Variants in USP25 observed in about 807,000 individuals in gnomAD.
USP25 encodes the protein ubiquitin specific peptidase 25, also known as ubiquitin carboxyl-terminal hydrolase 25.
A neutral mutation model predicts 158.5 loss-of-function variants in USP25; 85 were observed. The observed-to-expected ratio is 0.54, with a 90% CI of 0.45 to 0.64. USP25 has a LOEUF of 0.64. USP25 is among the 30% of genes least tolerant of loss of function. The pLI, the probability that USP25 is intolerant of heterozygous loss-of-function variation, is 0.00. For missense variants in USP25, 1,242 were observed against 1,327.3 expected, an observed-to-expected ratio of 0.94 and a Z score of 1.00; for synonymous variants, 464 against 460.4, an observed-to-expected ratio of 1.01 and a Z score of -0.10.
intron 17 of USP25, among the ~76,000 whole-genome samples, chr21:15,836,084 G>A (rs947676681): frequency 5.3e-5 from 8 of 151,996 alleles, no homozygotes; most frequent in Non-Finnish European, 8.8e-5. Flanking sequence ...GGATCTCAAA[G>A]CAAATCTGTA....
At chr21:15,806,983 G>A (rs577758042) in intron 7 of USP25, among the ~76,000 whole-genome samples, 1 of 152,072 alleles carries the variant, frequency 6.6e-6, no homozygotes, top group African/African-American at 2.4e-5. Context: ...GAGTACAGTG[G>A]TATGACAATG....
intron 1 of USP25, among the ~76,000 whole-genome samples, chr21:15,749,852 T>C (rs888534139): frequency 6.6e-5 from 10 of 152,050 alleles, no homozygotes; most frequent in African/African-American, 2.4e-4. Context: ...TAGTGCCTTC[T>C]GTTATCTACA....
At chr21:15,862,176 AT>A (rs2039455768) in intron 20 of USP25, among the ~76,000 whole-genome samples, 1 of 152,140 alleles carries the variant, frequency 6.6e-6, no homozygotes, top group Non-Finnish European at 1.5e-5. Flanking sequence ...GTACTAAAGT[AT>A]GATATACGAA....
At chr21:15,736,940 A>C (rs1451988555) in intron 1 of USP25, among the ~76,000 whole-genome samples, 3 of 146,170 alleles carry the variant, frequency 2.1e-5, no homozygotes, top group Non-Finnish European at 4.5e-5. Flanking sequence ...AGATAAGTTA[A>C]CTCTCTGTGT....
chr21:15,770,568 C>T (rs1177083124), intron 3 of USP25, among the ~76,000 whole-genome samples: 1 of 152,060 alleles, frequency 6.6e-6, no homozygotes, highest in Non-Finnish European at 1.5e-5. Context: ...ACTCATTTTC[C>T]TTGCTTACCA....
At chr21:15,828,262 T>C (rs1419413332) in intron 14 of USP25, among the ~76,000 whole-genome samples, 1 of 152,192 alleles carries the variant, frequency 6.6e-6, no homozygotes, top group African/African-American at 2.4e-5. Flanking sequence ...TTTGAACTCA[T>C]TAACAAACAT....
At position 15,799,875 on chromosome 21, in the gene USP25, A is replaced by G. The variant is rs2036045183; in HGVS notation, c.642+32A>G. 5.5e-6 allele frequency: 8 copies of G among 1,456,870 alleles called. No individual in the cohort carries two copies. The Admixed American group carries it at 9.6e-5, about 17-fold the overall frequency. 90.2% of individuals were successfully genotyped at this position (1,456,870 alleles called of 1,614,324 possible). A position where few individuals can be genotyped will look rare whatever the true frequency, so the allele number is the denominator to read the frequency against. On this transcript the variant is annotated intron_variant, in intron 6 of 25. Transcript: ENST00000400183. ...TTCAAAAGATTTTTTTAAGCAGTAT[A>G]TATACTCTATATGTTCTCTTATATG...
chr21:15,802,579 G>A (rs74774121), intron 6 of USP25, among the ~76,000 whole-genome samples: 8 of 151,386 alleles, frequency 5.3e-5, no homozygotes, highest in Non-Finnish European at 1.2e-4. Flanking sequence ...AATGAGTAAT[G>A]TCAGAATATT....
chr21:15,830,751 T>G, intron 15 of USP25, 150 bp downstream of exon 15: 1 of 564,282 alleles, frequency 1.8e-6, no homozygotes, highest in Non-Finnish European at 3.1e-6. Context: ...GCTTGCAATA[T>G]GTACAATGTG....
At chr21:15,868,920 T>C (rs1479730815) in intron 22 of USP25, among the ~76,000 whole-genome samples, 2 of 152,194 alleles carry the variant, frequency 1.3e-5, no homozygotes, top group Non-Finnish European at 2.9e-5. Context: ...GTTATGAAGA[T>C]CTACTAATAG....
chr21:15,795,906 T>G (rs2035839227), intron 5 of USP25, among the ~76,000 whole-genome samples: 1 of 151,520 alleles, frequency 6.6e-6, no homozygotes, highest in Non-Finnish European at 1.5e-5. Flanking sequence ...CCGAGGAGAA[T>G]TTATCACGCT....
At chr21:15,741,057 A>G (rs2032004179) in intron 1 of USP25, among the ~76,000 whole-genome samples, 2 of 152,026 alleles carry the variant, frequency 1.3e-5, no homozygotes, top group Non-Finnish European at 2.9e-5. Flanking sequence ...ATTTCAGGCA[A>G]CTGTTGATCT....
At chr21:15,782,162 A>G (rs2035002250) in intron 4 of USP25, among the ~76,000 whole-genome samples, 1 of 152,204 alleles carries the variant, frequency 6.6e-6, no homozygotes. Flanking sequence ...GGGCAGCCCC[A>G]TGCGGCCACC....
At chr21:15,788,687 A>G (rs187281793) in intron 4 of USP25, among the ~76,000 whole-genome samples, 1 of 152,164 alleles carries the variant, frequency 6.6e-6, no homozygotes, top group Non-Finnish European at 1.5e-5. Flanking sequence ...AAATCATGGC[A>G]TTCCCCTTTC....
chr21:15,760,069 C>G (rs1232025860), intron 1 of USP25, among the ~76,000 whole-genome samples: 2 of 152,328 alleles, frequency 1.3e-5, no homozygotes, highest in South Asian at 4.1e-4. Context: ...CTGCCAATGC[C>G]TATCCAATGA....
chr21:15,829,309 C>T (rs1361483423), intron 14 of USP25, among the ~76,000 whole-genome samples: 1 of 152,138 alleles, frequency 6.6e-6, no homozygotes, highest in Non-Finnish European at 1.5e-5. Flanking sequence ...TCACCCTGCT[C>T]CCACCCTCCA....
At chr21:15,817,090 C>T (rs1208524668) in intron 9 of USP25, among the ~76,000 whole-genome samples, 1 of 151,862 alleles carries the variant, frequency 6.6e-6, no homozygotes, top group African/African-American at 2.4e-5. Context: ...CGAGATCACA[C>T]CACTGAGCTC....
chr21:15,799,727 A>T (rs2036037320), intron 5 of USP25, 30 bp from the exon 6 acceptor site: 1 of 1,459,856 alleles, frequency 6.8e-7, no homozygotes, highest in East Asian at 2.3e-5. Context: ...ATTTTCCCTC[A>T]GGTTATGTTA....
chr21:15,849,656 T>C (rs2038793788), intron 19 of USP25, 121 bp from the exon 20 acceptor site: 2 of 711,186 alleles, frequency 2.8e-6, no homozygotes, highest in Non-Finnish European at 4.4e-6. Context: ...GGATTAAATT[T>C]GGTATTAAAA....
Sources: allele counts gnomAD v4.1 joint callset (sites outside exome capture counted in the v4.1 genomes callset), GRCh38; gene constraint gnomAD v4.1.1; transcripts MANE v1.5; gene names NCBI Gene and HGNC (gene_info 2026-07-23, HGNC 2026-07-21).